CSTF3: variants seen among roughly 807,000 people sequenced by gnomAD.
CSTF3 encodes CF-1 77 kDa subunit.
CSTF3 carries 29 observed loss-of-function variants against 105.8 expected under a neutral mutation model. That is an observed-to-expected ratio of 0.27 (90% confidence interval 0.20 to 0.37). The LOEUF is 0.37. Ranked by LOEUF, CSTF3 falls within the 10% of genes least tolerant of loss-of-function variation. The probability of loss-of-function intolerance (pLI) is 1.00; values close to 1 mark genes in which losing one functional copy is unlikely to be tolerated. For synonymous variants in CSTF3, 252 were observed against 281.9 expected (o/e 0.89, Z 1.06); for missense variants, 357 against 879.3 (o/e 0.41, Z 7.51).
intron 1 of CSTF3, 121 bp downstream of exon 1, chr11:33,161,178 A>G: frequency 2.9e-6 from 3 of 1,040,478 alleles, no homozygotes; most frequent in Non-Finnish European, 4.3e-6. Context: ...ACTCTTCTAT[A>G]TACCCTGTCC....
chr11:33,142,258 T>G (rs1187899471), intron 1 of CSTF3, among the ~76,000 whole-genome samples: 1 of 152,184 alleles, frequency 6.6e-6, no homozygotes, highest in African/African-American at 2.4e-5. Context: ...AGCCTTTTTA[T>G]TTATCATTAT....
At chr11:33,125,428 G>C (rs1222834077) in intron 3 of CSTF3, among the ~76,000 whole-genome samples, 1 of 152,084 alleles carries the variant, frequency 6.6e-6, no homozygotes, top group African/African-American at 2.4e-5. Context: ...CTCCAGAAAG[G>C]GTATGAATAA....
chr11:33,112,876 T>TGTCTCCATTTAAAGACCATTATAG (rs1045184291), intron 3 of CSTF3, among the ~76,000 whole-genome samples: 6 of 152,128 alleles, frequency 3.9e-5, no homozygotes, highest in African/African-American at 9.7e-5. Flanking sequence ...CAATAGAAAA[T>TGTCTCCATTTAAAGACCATTATAG]GTCTCCATTT....
chr11:33,161,122 T>TA lies in CSTF3; in HGVS notation c.27+176dup, dbSNP rs879743369. ...CGTATTCATGCCTAAGAGAGAGAAG[T>TA]AAAAAAAAAAAAATTAAATCTTAGA... On this transcript the variant is annotated intron_variant, in intron 1 of 20. Coordinates refer to ENST00000323959, the MANE Select transcript of CSTF3 (RefSeq NM_001326.3). Among the ~76,000 whole-genome samples, 925 of 144,860 alleles carry TA rather than the reference T, an allele frequency of 6.4e-3. 7 individuals carry two copies. Among genetic ancestry groups the TA allele is most frequent in the African/African-American group, 0.019 (761 of 39,698 alleles).
rs1438220615 is a variant in CSTF3, at chr11:33,096,877, A to G, written c.1230T>C (p.His410=). The G allele has an allele frequency of 6.2e-7, 1 of 1,613,746 alleles. No individual in the cohort carries two copies. The highest frequency in any genetic ancestry group is 8.5e-7 in the Non-Finnish European group (1 of 1,179,782). Residue 410 remains histidine (H), a synonymous_variant, in exon 14 of 21, where the codon CAT becomes CAC. Coordinates refer to ENST00000323959, the MANE Select transcript of CSTF3 (RefSeq NM_001326.3). The stretch of plus-strand genomic sequence containing the variant: ...CCATGAGTGCTGCAGTAACATAGAC[A>G]TGGTGGCGGGTTCTGGTATCTTCTC... ...KAREDTRTRH[H]VYVTAALMEY...
intron 3 of CSTF3, among the ~76,000 whole-genome samples, chr11:33,128,590 CCTCA>C (rs1332213577): frequency 6.6e-6 from 1 of 151,984 alleles, no homozygotes; most frequent in Non-Finnish European, 1.5e-5. Context: ...AATTATTCTC[CCTCA>C]CTGCTTAGTT....
intron 3 of CSTF3, among the ~76,000 whole-genome samples, chr11:33,111,420 C>T (rs950419623): frequency 6.6e-6 from 1 of 151,974 alleles, no homozygotes; most frequent in East Asian, 1.9e-4. Flanking sequence ...GGAATTGCCA[C>T]AAGATCTTAT....
At chr11:33,111,683 C>T (rs1368478411) in intron 3 of CSTF3, among the ~76,000 whole-genome samples, 1 of 152,122 alleles carries the variant, frequency 6.6e-6, no homozygotes, top group African/African-American at 2.4e-5. Context: ...CCAAATTTTG[C>T]ATACCCGTCC....
At chr11:33,139,683 AATATAC>A (rs1434319417) in intron 3 of CSTF3, among the ~76,000 whole-genome samples, 1 of 152,006 alleles carries the variant, frequency 6.6e-6, no homozygotes, top group Non-Finnish European at 1.5e-5. Flanking sequence ...AATTTTAAAA[AATATAC>A]ATATATATTA....
intron 15 of CSTF3, among the ~76,000 whole-genome samples, chr11:33,092,952 T>G (rs985298898): frequency 2.0e-5 from 3 of 152,232 alleles, no homozygotes; most frequent in African/African-American, 4.8e-5. Context: ...AAAATGACAC[T>G]TCTTGCTAAA....
At chr11:33,128,345 CTAAAAA>C (rs1217064498) in intron 3 of CSTF3, among the ~76,000 whole-genome samples, 1 of 150,796 alleles carries the variant, frequency 6.6e-6, no homozygotes, top group African/African-American at 2.4e-5. Flanking sequence ...CAAATAGAAA[CTAAAAA>C]TAAAGAAAAA....
chr11:33,089,872 T>C (rs944839256), intron 17 of CSTF3, among the ~76,000 whole-genome samples: 12 of 152,206 alleles, frequency 7.9e-5, no homozygotes, highest in Admixed American at 1.3e-4. Context: ...AGAGATGATA[T>C]AACAGTGGTT....
chr11:33,124,145 G>A (rs1000206325), intron 3 of CSTF3, among the ~76,000 whole-genome samples: 1 of 151,856 alleles, frequency 6.6e-6, no homozygotes, highest in Admixed American at 6.6e-5. Flanking sequence ...TTAATGTAAA[G>A]GATTACCTTT....
chr11:33,129,943 G>A (rs1855581672), intron 3 of CSTF3, among the ~76,000 whole-genome samples: 1 of 152,198 alleles, frequency 6.6e-6, no homozygotes, highest in Non-Finnish European at 1.5e-5. Context: ...AGATACTTGA[G>A]TTTTCAGTGG....
chr11:33,090,728 C>T lies in CSTF3; in HGVS notation c.1446-1G>A. 1.3e-6 allele frequency: 2 copies of T among 1,517,746 alleles called. No homozygotes were observed. The highest frequency in any genetic ancestry group is 1.8e-6 in the Non-Finnish European group (2 of 1,133,982). 94.0% of individuals were successfully genotyped at this position (1,517,746 alleles called of 1,614,324 possible). On this transcript the variant is annotated splice_acceptor_variant, in intron 16 of 20. Transcript: ENST00000323959. LOFTEE classifies it high-confidence loss of function. ...TGCTAGAAATCGGGCCCAGATTTCT[C>T]TGCAAGAAAAGAAATACAATCAATA...
intron 1 of CSTF3, among the ~76,000 whole-genome samples, chr11:33,156,291 T>C (rs964320764): frequency 1.3e-5 from 2 of 149,434 alleles, no homozygotes; most frequent in Non-Finnish European, 3.0e-5. Flanking sequence ...CCAACACACA[T>C]AGTTGGCTCT....
intron 1 of CSTF3, among the ~76,000 whole-genome samples, chr11:33,147,522 G>A (rs1223664119): frequency 6.6e-6 from 1 of 151,528 alleles, no homozygotes; most frequent in Non-Finnish European, 1.5e-5. Flanking sequence ...TTGAGACCAG[G>A]AGGCAGAGGC....
At chr11:33,096,738 A>T in intron 14 of CSTF3, 97 bp downstream of exon 14, 1 of 1,204,476 alleles carries the variant, frequency 8.3e-7, no homozygotes, top group Non-Finnish European at 1.2e-6. Flanking sequence ...AAAATGGAGC[A>T]ATAAAAGCTT....
chr11:33,113,145 G>A (rs1590270540), intron 3 of CSTF3, among the ~76,000 whole-genome samples: 1 of 151,656 alleles, frequency 6.6e-6, no homozygotes, highest in African/African-American at 2.4e-5. Flanking sequence ...AGGTGGAGGT[G>A]GCAGTGAGCA....
Sources: allele counts gnomAD v4.1 joint callset (sites outside exome capture counted in the v4.1 genomes callset), GRCh38; gene constraint gnomAD v4.1.1; transcripts MANE v1.5; gene names NCBI Gene and HGNC (gene_info 2026-07-23, HGNC 2026-07-21).